ZNF568: variants seen among roughly 807,000 people sequenced by gnomAD.
ZNF568 encodes p53 inhibitor of SCO2 activation.
ZNF568 carries 11 observed loss-of-function variants against 18.1 expected under a neutral mutation model. That is an observed-to-expected ratio of 0.61 (90% CI 0.38 to 1.00). ZNF568 has a LOEUF of 1.00. Among genes scored for constraint, ZNF568 ranks in the 50% least tolerant of loss-of-function variants. The probability of loss-of-function intolerance (pLI) is 0.01; values close to 1 mark genes in which losing one functional copy is unlikely to be tolerated. For synonymous variants in ZNF568, 213 were observed against 246.6 expected (o/e 0.86, Z 1.28); for missense variants, 639 against 768.2 (o/e 0.83, Z 1.99).
chr19:36,927,893 ATATATATATATTTTTTTTTTTTTT>A (rs2073602005), intron 4 of ZNF568, among the ~76,000 whole-genome samples: 5 of 25,316 alleles, frequency 2.0e-4, no homozygotes, highest in African/African-American at 1.2e-3. Context: ...TATATTATAT[ATATATATATATTTTTTTTTTTTTT>A]TTTTTTTTTT....
chr19:36,969,174 G>A (rs752062529), intron 6 of ZNF568, among the ~76,000 whole-genome samples: 4 of 151,502 alleles, frequency 2.6e-5, no homozygotes, highest in Non-Finnish European at 5.9e-5. Flanking sequence ...GTTCTTTGTA[G>A]TATTCTTTCA....
intron 6 of ZNF568, among the ~76,000 whole-genome samples, chr19:36,947,089 C>T (rs906293836): frequency 2.3e-4 from 35 of 152,018 alleles, no homozygotes; most frequent in African/African-American, 8.5e-4. Context: ...GATCTCGGCT[C>T]ACTGCAACCT....
intron 6 of ZNF568, among the ~76,000 whole-genome samples, chr19:36,938,354 A>C (rs2073824153): frequency 1.3e-5 from 2 of 152,216 alleles, no homozygotes; most frequent in South Asian, 4.1e-4. Context: ...AAAGTACAAC[A>C]AATAGTAACA....
rs759744724 is a variant in ZNF568, at chr19:36,922,835, T to C, written c.65T>C (p.Met22Thr). 6.2e-7 allele frequency: 1 copy of C among 1,613,816 alleles called. No individual in the cohort carries two copies. The highest frequency in any genetic ancestry group is 8.5e-7 in the Non-Finnish European group (1 of 1,179,910). Residue 22 changes from methionine (M) to threonine (T), a missense_variant, in exon 3 of 7, where the codon ATG becomes ACG. Met to Thr is a moderately conservative substitution (Grantham distance 81). Coordinates refer to ENST00000333987, the MANE Select transcript of ZNF568 (RefSeq NM_198539.4). The part of the protein sequence containing the change: ...CVTMERLSHM[M>T]ERKAWCSQES... ...ACAATGGAGCGTTTGAGCCACATGA[T>C]GGAAAGGAAAGGTGAGGTGGCTCAT...
downstream of ZNF568, among the ~76,000 whole-genome samples, chr19:36,983,930 G>T (rs377533347): frequency 8.1e-6 from 1 of 123,632 alleles, no homozygotes. Flanking sequence ...ACAGAGTCTC[G>T]CTCTGTCGCC....
intron 2 of ZNF568, among the ~76,000 whole-genome samples, chr19:36,917,885 C>T (rs2073373679): frequency 6.6e-6 from 1 of 152,104 alleles, no homozygotes; most frequent in South Asian, 2.1e-4. Context: ...TCCAAAATAT[C>T]CACCAATTTC....
At chr19:36,921,460 C>G (rs1353756772) in intron 2 of ZNF568, among the ~76,000 whole-genome samples, 1 of 123,866 alleles carries the variant, frequency 8.1e-6, no homozygotes, top group Non-Finnish European at 1.7e-5. Flanking sequence ...AAACTCCATC[C>G]AAAAAAAAAA....
chr19:36,968,883 T>G, intron 6 of ZNF568, among the ~76,000 whole-genome samples: 1 of 150,582 alleles, frequency 6.6e-6, no homozygotes, highest in Non-Finnish European at 1.5e-5. Context: ...CTTTTCAGAG[T>G]CTTGCTCTGT....
At chr19:36,984,242 C>A (rs73623522), downstream of ZNF568, among the ~76,000 whole-genome samples, 2,001 of 152,182 alleles carry the variant, frequency 0.013, 45 homozygotes, top group African/African-American at 0.045. Context: ...ATTTACAGTG[C>A]TTGTAATTAC....
intron 4 of ZNF568, among the ~76,000 whole-genome samples, chr19:36,930,261 G>GT (rs2073662974): frequency 6.6e-6 from 1 of 150,602 alleles, no homozygotes; most frequent in Admixed American, 6.6e-5. Context: ...CCAGGCTGGA[G>GT]TGCAATGGCA....
chr19:36,944,645 C>A (rs1361660660), intron 6 of ZNF568, among the ~76,000 whole-genome samples: 1 of 152,132 alleles, frequency 6.6e-6, no homozygotes. Context: ...TGCTTCTACT[C>A]ACTGGATAAC....
intron 6 of ZNF568, among the ~76,000 whole-genome samples, chr19:36,937,530 T>A (rs2073811395): frequency 6.6e-6 from 1 of 152,212 alleles, no homozygotes; most frequent in Non-Finnish European, 1.5e-5. Flanking sequence ...ATTGTTCCTC[T>A]CTCTATGATC....
chr19:36,967,716 A>G (rs1385570117), intron 6 of ZNF568, among the ~76,000 whole-genome samples: 1 of 152,148 alleles, frequency 6.6e-6, no homozygotes. Flanking sequence ...ATCATTCACC[A>G]AGACCTTCAC....
At chr19:36,919,699 C>T (rs763263231) in intron 2 of ZNF568, among the ~76,000 whole-genome samples, 3 of 152,036 alleles carry the variant, frequency 2.0e-5, no homozygotes, top group Admixed American at 6.6e-5. Context: ...AGTACCGGTA[C>T]GTGGCCCAGG....
intron 6 of ZNF568, among the ~76,000 whole-genome samples, chr19:36,962,065 A>G (rs1377880724): frequency 1.3e-5 from 2 of 150,348 alleles, no homozygotes; most frequent in Non-Finnish European, 3.0e-5. Flanking sequence ...CTCTGGCTCC[A>G]AAGTGCTGGG....
chr19:36,929,852 GA>G (rs957936467), intron 4 of ZNF568, among the ~76,000 whole-genome samples: 9 of 141,916 alleles, frequency 6.3e-5, no homozygotes, highest in East Asian at 2.1e-4. Flanking sequence ...CAGTTTCAAA[GA>G]AAAAAAAAAG....
Position 36,937,205 on chromosome 19 carries a change from G to C in ZNF568, c.321G>C (p.Trp107Cys). The stretch of plus-strand genomic sequence containing the variant: ...AGTTGGAGCAAGAAGAGGAGCCCTG[G>C]GTGATGGAGGAAGAAATGTTTGGGA... ...IFKLEQEEEP[W>C]VMEEEMFGRH... The change falls in exon 6 of 7, where the codon TGG (tryptophan) becomes TGC (cysteine). Residue 107 changes from tryptophan to cysteine, a missense_variant. Physicochemically the swap from Trp to Cys is radical, Grantham distance 215. Coordinates refer to ENST00000333987, the MANE Select transcript of ZNF568 (RefSeq NM_198539.4). 6.2e-7 allele frequency: 1 copy of C among 1,614,010 alleles called. No individual in the cohort carries two copies. The highest frequency in any genetic ancestry group is 8.5e-7 in the Non-Finnish European group (1 of 1,179,924).
chr19:36,951,322 T>G lies in ZNF568; in HGVS notation c.*234T>G, dbSNP rs2074057024. The G allele has an allele frequency of 2.9e-6, 1 of 347,994 alleles. No homozygotes were observed. The highest frequency in any genetic ancestry group is 5.1e-6 in the Non-Finnish European group (1 of 196,640). 21.6% of individuals were successfully genotyped at this position (347,994 alleles called of 1,614,324 possible). A position where few individuals can be genotyped will look rare whatever the true frequency, so the allele number is the denominator to read the frequency against. ...TCCAAACAAAATCAACTAAGAATTTTCTAGGATCTTTCAAAAATGATTATA... is the reference window on the plus strand; with the variant it reads ...TCCAAACAAAATCAACTAAGAATTTGCTAGGATCTTTCAAAAATGATTATA... On this transcript the variant is annotated 3_prime_UTR_variant, in exon 7 of 7. Coordinates refer to ENST00000333987, the MANE Select transcript of ZNF568 (RefSeq NM_198539.4).
intron 6 of ZNF568, among the ~76,000 whole-genome samples, chr19:36,965,590 AT>A (rs959978178): frequency 2.4e-4 from 37 of 151,214 alleles, no homozygotes; most frequent in Non-Finnish European, 4.6e-4. Context: ...TCTGGAATAG[AT>A]TTTTTTTCTT....
Sources: gnomAD v4.1 joint callset for allele counts (sites outside exome capture counted in the v4.1 genomes callset) on GRCh38, gnomAD v4.1.1 for gene constraint, MANE v1.5 for transcripts, NCBI Gene and HGNC (gene_info 2026-07-23, HGNC 2026-07-21) for gene names.